The following NAAA variants were observed in gnomAD, a reference collection of about 807,000 sequenced individuals.
The protein encoded by NAAA is N-acylethanolamine acid amidase.
NAAA carries 39 observed loss-of-function variants against 44.8 expected under a neutral mutation model. That is an observed-to-expected ratio of 0.87 (90% confidence interval 0.67 to 1.14). The LOEUF (loss-of-function observed/expected upper bound fraction) is 1.14. NAAA is among the 50% of genes most tolerant of loss of function. The pLI is 0.00. For missense variants in NAAA, 460 were observed against 467.8 expected (o/e 0.98, Z 0.15); for synonymous variants, 178 against 191.3 (o/e 0.93, Z 0.58).
intron 9 of NAAA, 66 bp from the exon 10 acceptor site, chr4:75,915,051 T>C (rs1249079222): frequency 1.2e-5 from 14 of 1,186,328 alleles, no homozygotes; most frequent in Non-Finnish European, 1.8e-5. Context: ...GGGAAGAAAA[T>C]GACCAAGTGC....
intron 3 of NAAA, among the ~76,000 whole-genome samples, chr4:75,933,096 T>C (rs893758658): frequency 2.0e-5 from 3 of 146,634 alleles, no homozygotes; most frequent in African/African-American, 7.6e-5. Flanking sequence ...GATTGCACCA[T>C]TGCACTCCAG....
intron 4 of NAAA, among the ~76,000 whole-genome samples, chr4:75,926,558 C>T (rs1560509436): frequency 5.2e-5 from 3 of 57,884 alleles, no homozygotes; most frequent in African/African-American, 1.8e-4. Context: ...GAGACTCTGT[C>T]TCAAAAAAAA....
At chr4:75,933,542 C>T (rs1465503270) in intron 3 of NAAA, among the ~76,000 whole-genome samples, 1 of 152,036 alleles carries the variant, frequency 6.6e-6, no homozygotes, top group Non-Finnish European at 1.5e-5. Context: ...TCTTGGAGGG[C>T]TGAGAAAATT....
chr4:75,940,365 C>A (rs1441732738), intron 1 of NAAA, 200 bp from the exon 2 acceptor site: 1 of 565,822 alleles, frequency 1.8e-6, no homozygotes, highest in Non-Finnish European at 3.1e-6. Flanking sequence ...GGGAAGGCGG[C>A]GGGTAAGAAA....
chr4:75,911,861 C>T (rs1159508205), downstream of NAAA, among the ~76,000 whole-genome samples: 1 of 152,160 alleles, frequency 6.6e-6, no homozygotes, highest in African/African-American at 2.4e-5. Context: ...ATTAGTTTTA[C>T]AAAGGTGGCT....
rs1384603276 is a variant in NAAA, at chr4:75,919,982, G to C, written c.903-7C>G. 1 of 1,613,470 alleles carries C rather than the reference G, an allele frequency of 6.2e-7. No individual in the cohort carries two copies. The highest frequency in any genetic ancestry group is 1.7e-5 in the Admixed American group (1 of 59,968). ...GGCCTTGATGGCAGATGTTCTGTAA[G>C]GACAAAGGTCGAAGGTCACTTGGCA... On this transcript the variant is annotated splice_region_variant and splice_polypyrimidine_tract_variant and intron_variant, in intron 7 of 10. Coordinates refer to ENST00000286733, the MANE Select transcript of NAAA (RefSeq NM_014435.4).
In NAAA at chr4:75,936,248, A is replaced by G. The variant is rs762238528; in HGVS notation, c.372-13T>C. On this transcript the variant is annotated splice_polypyrimidine_tract_variant and intron_variant, in intron 2 of 10. Coordinates refer to ENST00000286733, the MANE Select transcript of NAAA (RefSeq NM_014435.4). ...ACTGGTGCAGAACCTGAGAAAAGGG[A>G]AAAGTCCAACATGAATGAATAAGAC... 1.2e-6 allele frequency: 2 copies of G among 1,610,134 alleles called. No individual in the cohort carries two copies. Among genetic ancestry groups the G allele is most frequent in the East Asian group, 2.2e-5 (1 of 44,854 alleles).
intron 2 of NAAA, among the ~76,000 whole-genome samples, chr4:75,938,612 T>C (rs1375323988): frequency 4.6e-5 from 7 of 152,130 alleles, no homozygotes; most frequent in Non-Finnish European, 1.0e-4. Flanking sequence ...CCAGTAAAGT[T>C]TCATTATTCC....
intron 4 of NAAA, among the ~76,000 whole-genome samples, chr4:75,928,041 A>G (rs1222877899): frequency 6.6e-6 from 1 of 152,220 alleles, no homozygotes; most frequent in African/African-American, 2.4e-5. Flanking sequence ...TGAAATACAT[A>G]ATACATGATT....
chr4:75,940,395 A>G (rs1028683710), intron 1 of NAAA: 8 of 586,710 alleles, frequency 1.4e-5, no homozygotes, highest in Non-Finnish European at 2.4e-5. Context: ...GGGGAGGGCG[A>G]GTGAGGCTGG....
downstream of NAAA, among the ~76,000 whole-genome samples, chr4:75,912,451 G>A (rs1410415465): frequency 3.3e-5 from 5 of 152,114 alleles, no homozygotes; most frequent in African/African-American, 1.2e-4. Context: ...CTACTCGGGA[G>A]GCTGAGGCAG....
At chr4:75,937,092 A>C (rs1172969795) in intron 2 of NAAA, among the ~76,000 whole-genome samples, 1 of 152,138 alleles carries the variant, frequency 6.6e-6, no homozygotes, top group Non-Finnish European at 1.5e-5. Context: ...TTGGGGAAAA[A>C]AGTGTTACTT....
intron 5 of NAAA, among the ~76,000 whole-genome samples, chr4:75,922,381 A>G (rs79923734): frequency 6.6e-6 from 1 of 150,490 alleles, no homozygotes; most frequent in Non-Finnish European, 1.5e-5. Flanking sequence ...CTGTCTCAAA[A>G]AAAAAAAAAA....
chr4:75,922,598 A>G (rs566215435), intron 5 of NAAA, among the ~76,000 whole-genome samples: 67 of 152,304 alleles, frequency 4.4e-4, no homozygotes, highest in Non-Finnish European at 7.2e-4. Flanking sequence ...ATGGCATTCC[A>G]TACTTTGTTA....
intron 5 of NAAA, among the ~76,000 whole-genome samples, chr4:75,923,830 G>A (rs533430691): frequency 6.6e-5 from 10 of 152,156 alleles, no homozygotes; most frequent in African/African-American, 1.4e-4. Flanking sequence ...GAGCCACCGC[G>A]CCCGGCCCAT....
At chr4:75,915,031 A>C (rs1484203358) in intron 9 of NAAA, 46 bp from the exon 10 acceptor site, 1 of 1,412,352 alleles carries the variant, frequency 7.1e-7, no homozygotes, top group Non-Finnish European at 1.0e-6. Flanking sequence ...TTTCTCTAAT[A>C]TGCCAGAAAG....
At chr4:75,928,049 A>T (rs1560511090) in intron 4 of NAAA, among the ~76,000 whole-genome samples, 1 of 152,200 alleles carries the variant, frequency 6.6e-6, no homozygotes, top group Non-Finnish European at 1.5e-5. Flanking sequence ...ATAATACATG[A>T]TTGTTAACTG....
intron 4 of NAAA, among the ~76,000 whole-genome samples, chr4:75,930,112 C>T (rs1727097028): frequency 6.6e-6 from 1 of 151,926 alleles, no homozygotes; most frequent in Non-Finnish European, 1.5e-5. Context: ...ACAAACAAAA[C>T]AAAACAAAAA....
At chr4:75,939,953 G>C in intron 2 of NAAA, 48 bp downstream of exon 2, 1 of 1,605,162 alleles carries the variant, frequency 6.2e-7, no homozygotes, top group Non-Finnish European at 8.5e-7. Context: ...TCTGTGTCGG[G>C]GGCCCCCGCA....
Sources: gnomAD v4.1 joint callset for allele counts (sites outside exome capture counted in the v4.1 genomes callset) on GRCh38, gnomAD v4.1.1 for gene constraint, MANE v1.5 for transcripts, NCBI Gene and HGNC (gene_info 2026-07-23, HGNC 2026-07-21) for gene names.